ELAVL2: variants seen among roughly 807,000 people sequenced by gnomAD.
ELAVL2 encodes the protein ELAV-like protein 2.
Under a neutral mutation model 34.6 loss-of-function variants are expected in ELAVL2, and 4 were observed. That is an observed-to-expected ratio of 0.12 (90% CI 0.06 to 0.26). The LOEUF (loss-of-function observed/expected upper bound fraction) is 0.26, where lower values mean the gene tolerates loss of function less well. Ranked by LOEUF, ELAVL2 falls within the 10% of genes least tolerant of loss-of-function variation. The pLI is 1.00. For synonymous variants in ELAVL2, 193 were observed against 154.8 expected (o/e 1.25, Z -1.83); for missense variants, 432 against 442.8 (o/e 0.98, Z 0.22).
intron 1 of ELAVL2, among the ~76,000 whole-genome samples, chr9:23,769,602 C>A (rs559238506): frequency 1.3e-5 from 2 of 152,166 alleles, no homozygotes; most frequent in South Asian, 4.1e-4. Flanking sequence ...AGGATTTATT[C>A]AATCTAGAAT....
chr9:23,702,166 G>GA (rs911696101), intron 4 of ELAVL2, among the ~76,000 whole-genome samples: 18 of 152,032 alleles, frequency 1.2e-4, no homozygotes, highest in Non-Finnish European at 2.4e-4. Context: ...GGTCCTTTAG[G>GA]AAAAAAATGC....
chr9:23,747,076 C>A (rs536124231), intron 2 of ELAVL2, among the ~76,000 whole-genome samples: 71 of 152,192 alleles, frequency 4.7e-4, no homozygotes, highest in African/African-American at 1.7e-3. Context: ...AGTCCTCCAC[C>A]CCCTACCTTA....
intron 1 of ELAVL2, among the ~76,000 whole-genome samples, chr9:23,796,108 A>T (rs2137427184): frequency 6.6e-6 from 1 of 152,350 alleles, no homozygotes; most frequent in Middle Eastern, 3.4e-3. Context: ...TCTGCAATCC[A>T]AAGAAGAATT....
chr9:23,779,452 T>A, intron 1 of ELAVL2: 4 of 979,098 alleles, frequency 4.1e-6, no homozygotes, highest in Non-Finnish European at 4.9e-6. Flanking sequence ...ATATGAAAGC[T>A]AGAGAGTGGG....
intron 1 of ELAVL2, among the ~76,000 whole-genome samples, chr9:23,816,286 A>G (rs573311740): frequency 7.5e-6 from 1 of 133,892 alleles, no homozygotes; most frequent in South Asian, 2.8e-4. Flanking sequence ...AGATGAAATT[A>G]GTCAAGAAAG....
intron 1 of ELAVL2, among the ~76,000 whole-genome samples, chr9:23,818,789 A>G (rs1052694998): frequency 6.6e-6 from 1 of 152,228 alleles, no homozygotes; most frequent in Admixed American, 6.5e-5. Context: ...CATGCAGACA[A>G]GTCATCAAAA....
chr9:23,723,048 A>G (rs779491755), intron 3 of ELAVL2, among the ~76,000 whole-genome samples: 5 of 152,192 alleles, frequency 3.3e-5, no homozygotes, highest in Non-Finnish European at 7.3e-5. Flanking sequence ...AACAAGGGCT[A>G]GCAGTGTGAT....
At chr9:23,816,607 C>T (rs1011969694) in intron 1 of ELAVL2, among the ~76,000 whole-genome samples, 3 of 151,190 alleles carry the variant, frequency 2.0e-5, no homozygotes, top group Non-Finnish European at 2.9e-5. Context: ...TTCAAACTTA[C>T]GATTTTTCAA....
chr9:23,818,903 G>A (rs2064117874), intron 1 of ELAVL2, among the ~76,000 whole-genome samples: 1 of 152,174 alleles, frequency 6.6e-6, no homozygotes, highest in Non-Finnish European at 1.5e-5. Flanking sequence ...CCACTGTGGT[G>A]CTCTTGTGCA....
At chr9:23,841,219 A>T in the ELAVL2 span, among the ~76,000 whole-genome samples, 1 of 152,166 alleles carries the variant, frequency 6.6e-6, no homozygotes, top group Non-Finnish European at 1.5e-5. Flanking sequence ...AAAAGTATCA[A>T]GAGAAGATGA....
intron 3 of ELAVL2, among the ~76,000 whole-genome samples, chr9:23,705,782 C>T (rs1451352930): frequency 6.6e-6 from 1 of 152,206 alleles, no homozygotes; most frequent in African/African-American, 2.4e-5. Context: ...TCACCTGCTG[C>T]TCACCTCTGG....
At chr9:23,811,839 T>C (rs1480061691) in intron 1 of ELAVL2, among the ~76,000 whole-genome samples, 1 of 152,124 alleles carries the variant, frequency 6.6e-6, no homozygotes, top group Non-Finnish European at 1.5e-5. Context: ...AGAAATACTT[T>C]TCACCTGTGA....
chr9:23,698,935 G>A (rs2036205705), intron 5 of ELAVL2, among the ~76,000 whole-genome samples: 1 of 152,134 alleles, frequency 6.6e-6, no homozygotes, highest in Admixed American at 6.6e-5. Flanking sequence ...ATCATGGGAG[G>A]AATGAGAAAT....
chr9:23,783,357 A>T, intron 1 of ELAVL2: 1 of 712,450 alleles, frequency 1.4e-6, no homozygotes, highest in Non-Finnish European at 1.7e-6. Context: ...GAAGCCACTT[A>T]AATGGAGTAA....
chr9:23,747,156 C>T (rs571620702), intron 2 of ELAVL2, among the ~76,000 whole-genome samples: 94 of 148,896 alleles, frequency 6.3e-4, no homozygotes, highest in African/African-American at 2.1e-3. Context: ...ACATAATATA[C>T]ACTACTTTTT....
upstream of ELAVL2, among the ~76,000 whole-genome samples, chr9:23,830,541 A>T (rs1186890519): frequency 1.3e-5 from 2 of 151,078 alleles, no homozygotes; most frequent in South Asian, 4.2e-4. Flanking sequence ...AAATGTAACT[A>T]GTGTCGCGGT....
chr9:23,786,074 C>T (rs2059641285), intron 1 of ELAVL2, among the ~76,000 whole-genome samples: 1 of 152,078 alleles, frequency 6.6e-6, no homozygotes, highest in East Asian at 1.9e-4. Flanking sequence ...CTAAGTCTAT[C>T]CAAGGACATT....
At chr9:23,793,804 A>G (rs921060832) in intron 1 of ELAVL2, among the ~76,000 whole-genome samples, 36 of 151,194 alleles carry the variant, frequency 2.4e-4, no homozygotes, top group African/African-American at 7.7e-4. Flanking sequence ...CCAAACTTTT[A>G]TAACTATTTT....
intron 2 of ELAVL2, among the ~76,000 whole-genome samples, chr9:23,748,067 C>G (rs2050948850): frequency 6.6e-6 from 1 of 151,418 alleles, no homozygotes; most frequent in Non-Finnish European, 1.5e-5. Flanking sequence ...TAAGTTTTCT[C>G]TAACTACAAT....
Sources: allele counts gnomAD v4.1 joint callset (sites outside exome capture counted in the v4.1 genomes callset), GRCh38; gene constraint gnomAD v4.1.1; transcripts MANE v1.5; gene names NCBI Gene and HGNC (gene_info 2026-07-23, HGNC 2026-07-21).